The following HIP1 variants were observed in gnomAD, a reference collection of about 807,000 sequenced individuals.
HIP1 encodes the protein huntingtin interacting protein 1.
Under a neutral mutation model 147.6 loss-of-function variants are expected in HIP1, and 65 were observed. The observed-to-expected ratio is 0.44, with a 90% CI of 0.36 to 0.54. The LOEUF is 0.54. Ranked by LOEUF, HIP1 falls within the 20% of genes least tolerant of loss-of-function variation. HIP1 has a pLI of 0.00. For missense variants in HIP1, 1,061 were observed against 1,299.6 expected (o/e 0.82, Z 2.82); for synonymous variants, 479 against 504.0 (o/e 0.95, Z 0.67).
At chr7:75,585,246 A>C (rs1484362103) in intron 5 of HIP1, among the ~76,000 whole-genome samples, 1 of 140,476 alleles carries the variant, frequency 7.1e-6, no homozygotes, top group African/African-American at 2.7e-5. Flanking sequence ...GTGCAGAGGC[A>C]GCATCTCGGC....
At chr7:75,586,687 G>C (rs1417762479) in intron 5 of HIP1, 66 bp downstream of exon 5, 8 of 974,226 alleles carry the variant, frequency 8.2e-6, no homozygotes, top group Admixed American at 3.6e-5. Context: ...AATGAGCCCA[G>C]GGAGGGGCTG....
rs1229406245 is a variant in HIP1, at chr7:75,629,557, T to C, written c.121-30310A>G. Among the ~76,000 whole-genome samples the C allele has an allele frequency of 1.7e-3, 258 of 152,184 alleles. 3 individuals are homozygous for C. Among genetic ancestry groups the C allele is most frequent in the African/African-American group, 6.0e-3 (250 of 41,536 alleles). ...GCTCCCCCGCTTTTCTTTTTTTTTT[T>C]TTTGAGATGGAGTCTTGCTCTGTCG... On this transcript the variant is annotated intron_variant, in intron 1 of 30. Transcript: ENST00000336926.
At chr7:75,620,703 C>A (rs1254766113) in intron 1 of HIP1, among the ~76,000 whole-genome samples, 1 of 151,698 alleles carries the variant, frequency 6.6e-6, no homozygotes, top group Non-Finnish European at 1.5e-5. Flanking sequence ...AACAAACAAA[C>A]AAATAAATAA....
rs75076470 is a variant in HIP1, at chr7:75,571,201, G to A, written c.745+2560C>T. ...CTCAGCCTCCAGAGTAACTGGGACT[G>A]CAGGTGTGCACCACCATGCCCAGCT... On this transcript the variant is annotated intron_variant, in intron 8 of 30. Transcript: ENST00000336926. Among the ~76,000 whole-genome samples the A allele has an allele frequency of 6.7e-3, 1,018 of 152,108 alleles. 13 individuals are homozygous for A. Among genetic ancestry groups the A allele is most frequent in the African/African-American group, 0.024 (977 of 41,484 alleles).
Position 75,558,262 on chromosome 7 carries a change from T to G in HIP1, c.1376-7A>C. 1 of 1,611,900 alleles carries G rather than the reference T, an allele frequency of 6.2e-7. No individual in the cohort carries two copies. Among genetic ancestry groups the G allele is most frequent in the Non-Finnish European group, 8.5e-7 (1 of 1,177,984 alleles). Reference sequence around the variant, plus strand: ...TCATTGGCTTGAGCTTTCCCTGTATTGTAAAGGACCAAGGTGAGGAGTCTA... The same window carrying G: ...TCATTGGCTTGAGCTTTCCCTGTATGGTAAAGGACCAAGGTGAGGAGTCTA... On this transcript the variant is annotated splice_polypyrimidine_tract_variant and splice_region_variant and intron_variant, in intron 14 of 30. Transcript: ENST00000336926.
At chr7:75,675,716 C>T (rs2525471) in intron 1 of HIP1, among the ~76,000 whole-genome samples, 85,847 of 151,774 alleles carry the variant, frequency 0.57, 24,762 homozygotes, top group African/African-American at 0.66. Context: ...GCTAGACTCA[C>T]ACCTGTAATC....
Position 75,544,544 on chromosome 7 carries a change from T to G in HIP1, c.2766+151A>C. ...CTTAGTACTCTTTAACCTAGCCAAG[T>G]ACAGTCTAACCTAGCCAAGTGCCAT... On this transcript the variant is annotated intron_variant, in intron 27 of 30. Coordinates refer to ENST00000336926, the MANE Select transcript of HIP1 (RefSeq NM_005338.7). The G allele has an allele frequency of 7.5e-6, 5 of 666,290 alleles. No individual in the cohort carries two copies. In the South Asian group the frequency reaches 8.1e-5, roughly 11 times the overall value. 41.3% of individuals were successfully genotyped at this position (666,290 alleles called of 1,614,324 possible).
chr7:75,715,910 A>G (rs2117364457), intron 1 of HIP1, among the ~76,000 whole-genome samples: 1 of 151,652 alleles, frequency 6.6e-6, no homozygotes, highest in Admixed American at 6.6e-5. Flanking sequence ...GGGGAAGGGG[A>G]AGGGGAAGGG....
chr7:75,607,214 A>AT (rs1797256117), intron 1 of HIP1, among the ~76,000 whole-genome samples: 1 of 149,574 alleles, frequency 6.7e-6, no homozygotes, highest in Non-Finnish European at 1.5e-5. Flanking sequence ...ACAAAAAAAA[A>AT]AGAGTTGTTT....
chr7:75,652,647 G>A (rs1262124707), intron 1 of HIP1, among the ~76,000 whole-genome samples: 1 of 151,844 alleles, frequency 6.6e-6, no homozygotes, highest in Non-Finnish European at 1.5e-5. Context: ...CTACAGGCAT[G>A]AGCCACCATG....
At chr7:75,677,201 A>AAAAAAT (rs1212572572) in intron 1 of HIP1, among the ~76,000 whole-genome samples, 3 of 113,768 alleles carry the variant, frequency 2.6e-5, no homozygotes, top group East Asian at 2.3e-4. Context: ...ATCTCAAAAT[A>AAAAAAT]AAAAATAAAA....
chr7:75,564,076 G>C (rs1795324392), intron 9 of HIP1, among the ~76,000 whole-genome samples: 1 of 152,048 alleles, frequency 6.6e-6, no homozygotes, highest in Admixed American at 6.6e-5. Flanking sequence ...TTTTTTGGTA[G>C]AAACAGGCTC....
intron 1 of HIP1, among the ~76,000 whole-genome samples, chr7:75,636,798 A>G (rs1554509753): frequency 6.6e-6 from 1 of 152,194 alleles, no homozygotes; most frequent in Non-Finnish European, 1.5e-5. Context: ...AATTCTCCAG[A>G]GGTTTCCCAG....
intron 14 of HIP1, 124 bp downstream of exon 14, chr7:75,559,608 G>A: frequency 1.3e-6 from 1 of 793,426 alleles, no homozygotes; most frequent in Admixed American, 2.9e-5. Context: ...GGCATTCCTA[G>A]CTGTTTCTAG....
At chr7:75,723,940 A>T (rs1212816271) in intron 1 of HIP1, among the ~76,000 whole-genome samples, 2 of 133,992 alleles carry the variant, frequency 1.5e-5, no homozygotes, top group African/African-American at 2.8e-5. Context: ...ATTATCATTT[A>T]TATATATATA....
chr7:75,718,427 G>T (rs1554520802), intron 1 of HIP1, among the ~76,000 whole-genome samples: 2 of 152,080 alleles, frequency 1.3e-5, no homozygotes, highest in African/African-American at 4.8e-5. Context: ...GGTTGGAGAA[G>T]GAGAAAAAGG....
chr7:75,624,698 C>A (rs1335672469), intron 1 of HIP1, among the ~76,000 whole-genome samples: 1 of 152,214 alleles, frequency 6.6e-6, no homozygotes. Flanking sequence ...ACTTGCCTTT[C>A]CAGTCTTAGA....
At chr7:75,583,844 T>C (rs1584832637) in intron 5 of HIP1, among the ~76,000 whole-genome samples, 1 of 151,066 alleles carries the variant, frequency 6.6e-6, no homozygotes, top group African/African-American at 2.4e-5. Flanking sequence ...GCCAGGCTGG[T>C]CTTGAACTCC....
chr7:75,709,913 T>C (rs1554520007), intron 1 of HIP1, among the ~76,000 whole-genome samples: 5 of 152,242 alleles, frequency 3.3e-5, no homozygotes, highest in South Asian at 2.1e-4. Context: ...CATGGTGTCA[T>C]TCTGTCAGAG....
Sources: gnomAD v4.1 joint callset for allele counts (sites outside exome capture counted in the v4.1 genomes callset) on GRCh38, gnomAD v4.1.1 for gene constraint, MANE v1.5 for transcripts, NCBI Gene and HGNC (gene_info 2026-07-23, HGNC 2026-07-21) for gene names.